Variants in UNC5C observed in about 807,000 individuals in gnomAD.
The protein encoded by UNC5C is unc-5 netrin receptor C.
UNC5C carries 47 observed loss-of-function variants against 99.8 expected under a neutral mutation model. The observed-to-expected ratio is 0.47, with a 90% confidence interval of 0.37 to 0.60. The LOEUF is 0.60. UNC5C is among the 20% of genes least tolerant of loss of function. The pLI, the probability that UNC5C is intolerant of heterozygous loss-of-function variation, is 0.00. For synonymous variants in UNC5C, 487 were observed against 452.2 expected (o/e 1.08, Z -0.98); for missense variants, 1,062 against 1,165.9 (o/e 0.91, Z 1.30).
At chr4:95,313,459 C>T (rs914097699) in intron 2 of UNC5C, among the ~76,000 whole-genome samples, 3 of 152,020 alleles carry the variant, frequency 2.0e-5, no homozygotes, top group Non-Finnish European at 2.9e-5. Flanking sequence ...TTCAGATCTT[C>T]GATCTTACAT....
intron 1 of UNC5C, among the ~76,000 whole-genome samples, chr4:95,478,370 G>A (rs1478291828): frequency 1.3e-5 from 2 of 151,962 alleles, no homozygotes; most frequent in African/African-American, 4.8e-5. Context: ...CTTTCTCCAA[G>A]ACTACTCAAC....
intron 7 of UNC5C, among the ~76,000 whole-genome samples, chr4:95,238,402 G>A (rs1476579474): frequency 6.6e-6 from 1 of 152,118 alleles, no homozygotes; most frequent in African/African-American, 2.4e-5. Context: ...GAAGTCTAAT[G>A]TAAATACCAT....
At chr4:95,282,571 A>G (rs1050132571) in intron 3 of UNC5C, among the ~76,000 whole-genome samples, 2 of 152,254 alleles carry the variant, frequency 1.3e-5, no homozygotes, top group African/African-American at 4.8e-5. Context: ...AGATCCAGGG[A>G]TAATTGTCCA....
intron 2 of UNC5C, among the ~76,000 whole-genome samples, chr4:95,325,819 G>C (rs192751874): frequency 6.6e-6 from 1 of 152,248 alleles, no homozygotes; most frequent in Admixed American, 6.5e-5. Context: ...TCTGCATGTG[G>C]AAAACCTGAC....
At position 95,250,479 on chromosome 4, in the gene UNC5C, C is replaced by T. The variant is rs1279075005; in HGVS notation, c.775+8G>A. 6.2e-7 allele frequency: 1 copy of T among 1,612,386 alleles called. No individual in the cohort carries two copies. Among genetic ancestry groups the T allele is most frequent in the African/African-American group, 1.3e-5 (1 of 74,788 alleles). ...TGAACTAGATTGAGACCCTGAAGGG[C>T]CACTCACCATAGACTATGACAGTGG... On this transcript the variant is annotated splice_region_variant and intron_variant, in intron 5 of 15. Transcript: ENST00000453304.
intron 1 of UNC5C, among the ~76,000 whole-genome samples, chr4:95,366,727 C>A (rs1744583562): frequency 1.3e-5 from 2 of 152,178 alleles, no homozygotes; most frequent in African/African-American, 4.8e-5. Flanking sequence ...TAAGTCCAGT[C>A]AAACCTAACT....
intron 1 of UNC5C, among the ~76,000 whole-genome samples, chr4:95,505,915 C>T (rs187348239): frequency 6.6e-6 from 1 of 151,932 alleles, no homozygotes; most frequent in African/African-American, 2.4e-5. Flanking sequence ...ACAAAGAATA[C>T]AAGACTGAAC....
intron 4 of UNC5C, among the ~76,000 whole-genome samples, chr4:95,265,653 A>G (rs1740417118): frequency 6.6e-6 from 1 of 152,208 alleles, no homozygotes. Flanking sequence ...AAATTATCAA[A>G]TGAGATCACA....
At chr4:95,264,539 G>A (rs1202519080) in intron 4 of UNC5C, among the ~76,000 whole-genome samples, 2 of 152,074 alleles carry the variant, frequency 1.3e-5, no homozygotes, top group Non-Finnish European at 2.9e-5. Flanking sequence ...AAACATGCCT[G>A]CATCTCTTCT....
Position 95,167,703 on chromosome 4 carries a change from A to T in UNC5C, c.*1531T>A, listed in dbSNP as rs1285682743. 2 of 152,266 alleles carry T rather than the reference A, an allele frequency of 1.3e-5. No homozygotes were observed. Among genetic ancestry groups the T allele is most frequent in the Non-Finnish European group, 2.9e-5 (2 of 68,058 alleles). 9.4% of individuals were successfully genotyped at this position (152,266 alleles called of 1,614,324 possible). On this transcript the variant is annotated 3_prime_UTR_variant, in exon 16 of 16. Coordinates refer to ENST00000453304, the MANE Select transcript of UNC5C (RefSeq NM_003728.4). Reference sequence around the variant, plus strand: ...TGAACAGCATAATGCAATGATGCAGAGCGACTCAGGCCAAACAAACAACAT... The same window carrying T: ...TGAACAGCATAATGCAATGATGCAGTGCGACTCAGGCCAAACAAACAACAT...
At chr4:95,507,378 C>T (rs576855102) in intron 1 of UNC5C, among the ~76,000 whole-genome samples, 2 of 152,128 alleles carry the variant, frequency 1.3e-5, no homozygotes, top group South Asian at 4.2e-4. Context: ...TCTAAACAGT[C>T]CAAACCAATG....
chr4:95,545,616 AT>A (rs973588752), intron 1 of UNC5C, among the ~76,000 whole-genome samples: 1 of 152,190 alleles, frequency 6.6e-6, no homozygotes, highest in Non-Finnish European at 1.5e-5. Flanking sequence ...GACTTCAGTA[AT>A]TTTTTGTCCT....
At chr4:95,186,193 G>GAA (rs1736822316) in intron 12 of UNC5C, among the ~76,000 whole-genome samples, 1 of 152,104 alleles carries the variant, frequency 6.6e-6, no homozygotes, top group Admixed American at 6.6e-5. Context: ...AAATACACAG[G>GAA]AAATTTGTGA....
At chr4:95,444,400 C>G (rs979814282) in intron 1 of UNC5C, among the ~76,000 whole-genome samples, 1 of 151,432 alleles carries the variant, frequency 6.6e-6, no homozygotes, top group Non-Finnish European at 1.5e-5. Flanking sequence ...GTGCGATCTC[C>G]GCTCACTGCA....
chr4:95,302,963 C>T (rs1038166850), intron 2 of UNC5C, among the ~76,000 whole-genome samples: 4 of 152,008 alleles, frequency 2.6e-5, no homozygotes, highest in Admixed American at 1.3e-4. Flanking sequence ...TGTGAGTAAT[C>T]AGGGAACCCA....
Position 95,479,603 on chromosome 4 carries a change from G to A in UNC5C, c.124+69131C>T, listed in dbSNP as rs989230448. On this transcript the variant is annotated intron_variant, in intron 1 of 15. Transcript: ENST00000453304. Reference sequence around the variant, plus strand: ...ACCCAGTGGAAGATCCAAAAATGGCGAATGAACCATCTTTCGCAGAAAGAA... The same window carrying A: ...ACCCAGTGGAAGATCCAAAAATGGCAAATGAACCATCTTTCGCAGAAAGAA... Among the ~76,000 whole-genome samples, 32 of 151,970 alleles carry A rather than the reference G, an allele frequency of 2.1e-4. 1 individual carries two copies. The highest frequency in any genetic ancestry group is 9.8e-4 in the East Asian group (5 of 5,128).
intron 2 of UNC5C, among the ~76,000 whole-genome samples, chr4:95,315,889 T>C (rs1344537885): frequency 6.6e-6 from 1 of 152,222 alleles, no homozygotes; most frequent in Non-Finnish European, 1.5e-5. Flanking sequence ...AGGCTCCTAA[T>C]GTCTCTGTGT....
At chr4:95,229,863 T>G (rs1738844063) in intron 7 of UNC5C, among the ~76,000 whole-genome samples, 1 of 136,498 alleles carries the variant, frequency 7.3e-6, no homozygotes, top group Admixed American at 8.5e-5. Flanking sequence ...CAGGCTGGAG[T>G]GCAGTGGCAC....
chr4:95,306,346 G>A (rs1207153072), intron 2 of UNC5C, among the ~76,000 whole-genome samples: 1 of 152,014 alleles, frequency 6.6e-6, no homozygotes, highest in Non-Finnish European at 1.5e-5. Context: ...GGGACTACAG[G>A]TGCCTGCCAC....
Sources: gnomAD v4.1 joint callset for allele counts (sites outside exome capture counted in the v4.1 genomes callset) on GRCh38, gnomAD v4.1.1 for gene constraint, MANE v1.5 for transcripts, NCBI Gene and HGNC (gene_info 2026-07-23, HGNC 2026-07-21) for gene names.